GBF1: variants seen among roughly 807,000 people sequenced by gnomAD.
GBF1 encodes Golgi-specific brefeldin A-resistance guanine nucleotide exchange factor 1.
In GBF1, 114 loss-of-function variants were observed where a neutral mutation model predicts 210.5. The ratio of observed to expected loss-of-function variants is 0.54; its 90% CI spans 0.47 to 0.63. GBF1 has a LOEUF of 0.63. Ranked by LOEUF, GBF1 falls within the 30% of genes least tolerant of loss-of-function variation. GBF1 has a pLI of 0.00. For synonymous variants in GBF1, 850 were observed against 889.2 expected (o/e 0.96, Z 0.78); for missense variants, 1,851 against 2,357.7 (o/e 0.79, Z 4.45).
Position 102,376,996 on chromosome 10 carries a change from C to T in GBF1, c.4350C>T (p.Phe1450=), listed in dbSNP as rs1370111161. The change falls in exon 33 of 40, where the codon TTC becomes TTT. Residue 1450 remains phenylalanine, a synonymous_variant. Transcript: ENST00000369983. ...SHKYDSKGNR[F]KKKSKEGSML... Reference sequence around the variant, plus strand: ...AATATGACAGCAAAGGGAACCGCTTCAAGAAGAAATCCAAAGAGGGATCAA... The same window carrying T: ...AATATGACAGCAAAGGGAACCGCTTTAAGAAGAAATCCAAAGAGGGATCAA... The T allele has an allele frequency of 1.2e-6, 2 of 1,614,156 alleles. No homozygotes were observed. Among genetic ancestry groups the T allele is most frequent in the Non-Finnish European group, 1.7e-6 (2 of 1,180,000 alleles).
At chr10:102,346,755 C>T (rs1364173352) in intron 4 of GBF1, among the ~76,000 whole-genome samples, 2 of 152,162 alleles carry the variant, frequency 1.3e-5, no homozygotes, top group African/African-American at 2.4e-5. Flanking sequence ...AAATCCACCA[C>T]CTTGGCCTCC....
chr10:102,246,597 G>C (rs1016946137), intron 1 of GBF1, among the ~76,000 whole-genome samples: 12 of 152,242 alleles, frequency 7.9e-5, no homozygotes, highest in Non-Finnish European at 1.6e-4. Context: ...TGGTATTGTC[G>C]GCCTATTATG....
chr10:102,346,903 TAGG>T (rs933847622), intron 4 of GBF1, among the ~76,000 whole-genome samples: 5 of 152,364 alleles, frequency 3.3e-5, no homozygotes, highest in Non-Finnish European at 7.3e-5. Context: ...TGTCAATTTG[TAGG>T]AGTTCTTTGT....
At chr10:102,368,658 G>A (rs1284167115) in intron 22 of GBF1, 81 bp from the exon 23 acceptor site, 43 of 982,620 alleles carry the variant, frequency 4.4e-5, no homozygotes, top group Non-Finnish European at 6.8e-5. Flanking sequence ...CTGGGGAAGA[G>A]CCCCATGCAA....
At chr10:102,338,600 T>C (rs1223116177) in intron 3 of GBF1, among the ~76,000 whole-genome samples, 2 of 151,900 alleles carry the variant, frequency 1.3e-5, no homozygotes, top group Non-Finnish European at 2.9e-5. Context: ...ATCTGGCTAT[T>C]GATAGGAGTG....
At chr10:102,246,798 A>G (rs924326262) in intron 1 of GBF1, among the ~76,000 whole-genome samples, 9 of 152,328 alleles carry the variant, frequency 5.9e-5, no homozygotes, top group African/African-American at 2.2e-4. Flanking sequence ...AATAGTGTAG[A>G]TGGTGTTTTT....
At chr10:102,312,102 A>G (rs1249326072) in intron 3 of GBF1, among the ~76,000 whole-genome samples, 1 of 152,010 alleles carries the variant, frequency 6.6e-6, no homozygotes, top group Non-Finnish European at 1.5e-5. Flanking sequence ...GACCAGCCTG[A>G]CCAGCATGGA....
chr10:102,343,900 A>G, intron 3 of GBF1, 151 bp from the exon 4 acceptor site: 1 of 557,682 alleles, frequency 1.8e-6, no homozygotes, highest in Non-Finnish European at 3.2e-6. Context: ...AAAATGATAC[A>G]GTGTCTGGGA....
intron 15 of GBF1, 63 bp downstream of exon 15, chr10:102,362,727 G>C: frequency 3.7e-6 from 5 of 1,360,706 alleles, no homozygotes; most frequent in Non-Finnish European, 2.1e-6. Context: ...TCTACTCTCT[G>C]AGTCGTTTTT....
At position 102,279,548 on chromosome 10, in the gene GBF1, G is replaced by A. The variant is rs78090286; in HGVS notation, c.163+19432G>A. 4.7e-4 allele frequency among the ~76,000 whole-genome samples: 72 copies of A among 152,262 alleles called. 2 individuals carry two copies. In the East Asian group the frequency reaches 0.012, roughly 25 times the overall value. On this transcript the variant is annotated intron_variant, in intron 3 of 39. Transcript: ENST00000369983. ...CCCATTGTCCAGGAGCTTTAAGAGA[G>A]AAAAGGTTAGGAGAAACGTTTTCCT...
In GBF1 at chr10:102,357,692, T is replaced by C. The variant is rs562243925; in HGVS notation, c.640-347T>C. Among the ~76,000 whole-genome samples, 8 of 152,226 alleles carry C rather than the reference T, an allele frequency of 5.3e-5. No homozygotes were observed. In the South Asian group the frequency reaches 1.7e-3, roughly 32 times the overall value. The stretch of plus-strand genomic sequence containing the variant: ...AAGGAAACCCTGCCCTTACACTTTC[T>C]GCAAGAGGGTCATGCATCATCCATA... On this transcript the variant is annotated intron_variant, in intron 8 of 39. Transcript: ENST00000369983.
intron 1 of GBF1, among the ~76,000 whole-genome samples, chr10:102,251,866 T>A (rs2133915714): frequency 6.6e-6 from 1 of 152,192 alleles, no homozygotes; most frequent in Admixed American, 6.5e-5. Flanking sequence ...AAGATATGTT[T>A]AGAGATAACT....
Position 102,375,580 on chromosome 10 carries a change from T to G in GBF1, c.3882T>G (p.Asp1294Glu). The G allele has an allele frequency of 6.2e-7, 1 of 1,604,824 alleles. No individual in the cohort carries two copies. The highest frequency in any genetic ancestry group is 8.5e-7 in the Non-Finnish European group (1 of 1,171,814). The change falls in exon 30 of 40, where the codon GAT (aspartate) becomes GAG (glutamate). Residue 1294 changes from aspartate (D) to glutamate (E), a missense_variant. Around this residue, in one of 3 missense-constraint regions of GBF1, gnomAD observed 967 missense variants for 1,247.7 expected, o/e 0.78. Coordinates refer to ENST00000369983, the MANE Select transcript of GBF1 (RefSeq NM_001377137.1). ...CCACAGCCAGGGCAGATGCACCTGA[T>G]GCCGGTAAGCCCTTTCCCAGGGAGA... ...LQATARADAP[D>E]AGAQSDSELP...
Position 102,260,114 on chromosome 10 carries a change from C to T in GBF1, c.161C>T (p.Thr54Ile). 2.0e-6 allele frequency: 3 copies of T among 1,490,626 alleles called. No homozygotes were observed. Among genetic ancestry groups the T allele is most frequent in the Non-Finnish European group, 2.8e-6 (3 of 1,068,568 alleles). The allele number at this position is 1,490,626 out of a possible 1,614,324, so 92.3% of individuals were successfully genotyped here. Residue 54 changes from threonine to isoleucine, a missense_variant and splice_region_variant, in exon 3 of 40, where the codon ACA (threonine) becomes ATA (isoleucine). Physicochemically the swap from Thr to Ile is moderately conservative, Grantham distance 89. This residue lies in a region of GBF1 where 804 missense variants were observed against 958.6 expected (regional missense o/e 0.84). Transcript: ENST00000369983. ...CTAAAGGAGGTTTTAAACAGTATAA[C>T]AGGTAAGTCTCCATATGTATGTGGA... is the stretch of plus-strand genomic sequence containing the variant. ...GHLKEVLNSI[T>I]ELSEIEPNVF... is the part of the protein sequence containing the mutation.
intron 3 of GBF1, among the ~76,000 whole-genome samples, chr10:102,288,372 G>T (rs2076134558): frequency 6.6e-6 from 1 of 152,122 alleles, no homozygotes; most frequent in Admixed American, 6.5e-5. Flanking sequence ...TTCTATCCAG[G>T]ATCTCCAAAA....
In GBF1 at chr10:102,301,611, C is replaced by T. The variant is rs1349619469; in HGVS notation, c.163+41495C>T. Among the ~76,000 whole-genome samples the T allele has an allele frequency of 3.3e-5, 5 of 151,948 alleles. No homozygotes were observed. The East Asian group carries it at 7.7e-4, about 23-fold the overall frequency. On this transcript the variant is annotated intron_variant, in intron 3 of 39. Transcript: ENST00000369983. ...GACGGGGCGGCCGGGCAGAGACGCT[C>T]CTCACCTCCCAGACGGGGTCGCGGC... is the stretch of plus-strand genomic sequence containing the variant.
intron 3 of GBF1, among the ~76,000 whole-genome samples, chr10:102,263,349 G>A (rs1313934678): frequency 6.6e-6 from 1 of 152,176 alleles, no homozygotes; most frequent in Non-Finnish European, 1.5e-5. Flanking sequence ...GACCAGTTAA[G>A]GTGTACCACT....
At chr10:102,354,370 A>G (rs1346465794) in intron 8 of GBF1, among the ~76,000 whole-genome samples, 4 of 152,146 alleles carry the variant, frequency 2.6e-5, no homozygotes, top group African/African-American at 9.7e-5. Context: ...TCTTTCGCAG[A>G]TATCTCCATG....
intron 30 of GBF1, 58 bp from the exon 31 acceptor site, chr10:102,376,214 C>A (rs1311317252): frequency 1.5e-6 from 2 of 1,349,082 alleles, no homozygotes; most frequent in African/African-American, 1.4e-5. Flanking sequence ...CCTGATTTAT[C>A]CCTCATCCCA....
Sources: gnomAD v4.1 joint callset for allele counts (sites outside exome capture counted in the v4.1 genomes callset) on GRCh38, gnomAD v4.1.1 for gene constraint, gnomAD v4.1.1 regional missense constraint, MANE v1.5 for transcripts, NCBI Gene and HGNC (gene_info 2026-07-23, HGNC 2026-07-21) for gene names.